The following NKAIN2 variants were observed in gnomAD, a reference collection of about 807,000 sequenced individuals.
NKAIN2 encodes the protein sodium/potassium-transporting ATPase subunit beta-1-interacting protein 2.
A neutral mutation model predicts 32.6 loss-of-function variants in NKAIN2; 14 were observed. The observed-to-expected ratio is 0.43, with a 90% CI of 0.28 to 0.67. NKAIN2 has a LOEUF of 0.67. Among genes scored for constraint, NKAIN2 ranks in the 30% least tolerant of loss-of-function variants. The pLI is 0.17. For missense variants in NKAIN2, 198 were observed against 258.3 expected (o/e 0.77, Z 1.60); for synonymous variants, 80 against 87.2 (o/e 0.92, Z 0.46).
intron 1 of NKAIN2, among the ~76,000 whole-genome samples, chr6:123,912,517 T>C (rs1336468464): frequency 6.6e-6 from 1 of 152,216 alleles, no homozygotes; most frequent in Non-Finnish European, 1.5e-5. Context: ...AGTTCAAATT[T>C]ATCTCTTTTA....
chr6:124,421,180 G>T (rs1436829918), intron 3 of NKAIN2, among the ~76,000 whole-genome samples: 3 of 151,896 alleles, frequency 2.0e-5, no homozygotes, highest in African/African-American at 7.3e-5. Context: ...AGAAAGTAGG[G>T]TTTTTTCCAC....
At chr6:124,677,299 T>C (rs564664111) in intron 4 of NKAIN2, among the ~76,000 whole-genome samples, 9 of 152,266 alleles carry the variant, frequency 5.9e-5, no homozygotes. Flanking sequence ...TTCAGTCATT[T>C]CCCATATTTT....
At chr6:124,684,190 T>A (rs1392799423) in intron 4 of NKAIN2, among the ~76,000 whole-genome samples, 1 of 152,162 alleles carries the variant, frequency 6.6e-6, no homozygotes, top group Admixed American at 6.6e-5. Context: ...AATAAATACA[T>A]GTCTGCTCGA....
At chr6:124,746,490 CAGG>C (rs1349932267) in intron 4 of NKAIN2, among the ~76,000 whole-genome samples, 3 of 151,618 alleles carry the variant, frequency 2.0e-5, no homozygotes, top group African/African-American at 4.8e-5. Context: ...AAAATAATAG[CAGG>C]AGAAGTTTTT....
intron 3 of NKAIN2, among the ~76,000 whole-genome samples, chr6:124,503,625 C>G (rs548408476): frequency 5.9e-5 from 9 of 152,180 alleles, no homozygotes; most frequent in African/African-American, 1.9e-4. Flanking sequence ...AGTTCTGTTT[C>G]TCTCTTCAAA....
chr6:124,193,986 C>T (rs2114599506), intron 1 of NKAIN2, among the ~76,000 whole-genome samples: 1 of 152,164 alleles, frequency 6.6e-6, no homozygotes, highest in African/African-American at 2.4e-5. Flanking sequence ...AGAGAAGACC[C>T]TGGAGCCGGT....
intron 3 of NKAIN2, among the ~76,000 whole-genome samples, chr6:124,425,909 T>C (rs1028824450): frequency 2.0e-5 from 3 of 152,296 alleles, no homozygotes; most frequent in Middle Eastern, 3.4e-3. Context: ...GATTTTTACT[T>C]GTATTATTTT....
intron 3 of NKAIN2, among the ~76,000 whole-genome samples, chr6:124,365,194 A>G (rs1799470819): frequency 6.6e-6 from 1 of 151,786 alleles, no homozygotes; most frequent in South Asian, 2.1e-4. Flanking sequence ...ATATATCAAT[A>G]AATATATTAA....
At chr6:124,754,789 C>T (rs573040919) in intron 4 of NKAIN2, among the ~76,000 whole-genome samples, 2 of 152,194 alleles carry the variant, frequency 1.3e-5, no homozygotes, top group South Asian at 4.1e-4. Flanking sequence ...ACTGAGTATA[C>T]ACCCAAAGGA....
chr6:124,485,133 A>G (rs1019296180), intron 3 of NKAIN2, among the ~76,000 whole-genome samples: 3 of 152,136 alleles, frequency 2.0e-5, no homozygotes, highest in Admixed American at 1.3e-4. Context: ...GGTTCTTGCT[A>G]TTTCCTACAT....
intron 1 of NKAIN2, among the ~76,000 whole-genome samples, chr6:124,280,101 G>A (rs1480792976): frequency 6.6e-6 from 1 of 152,076 alleles, no homozygotes; most frequent in African/African-American, 2.4e-5. Flanking sequence ...CACATAAACA[G>A]CAGCATGTAT....
chr6:124,421,713 G>A (rs1209844481), intron 3 of NKAIN2, among the ~76,000 whole-genome samples: 1 of 152,108 alleles, frequency 6.6e-6, no homozygotes. Flanking sequence ...AAAGTGACTA[G>A]GAAGCATATG....
At chr6:124,156,042 G>T (rs1787971579) in intron 1 of NKAIN2, among the ~76,000 whole-genome samples, 1 of 152,050 alleles carries the variant, frequency 6.6e-6, no homozygotes, top group Non-Finnish European at 1.5e-5. Flanking sequence ...GCAGTGAAGG[G>T]AGGTAGAGTT....
chr6:124,255,869 C>T (rs1379769306), intron 1 of NKAIN2, among the ~76,000 whole-genome samples: 1 of 152,152 alleles, frequency 6.6e-6, no homozygotes, highest in Admixed American at 6.6e-5. Flanking sequence ...CGTTTATCTA[C>T]CCAAGTCACA....
chr6:124,648,807 A>C (rs1042009306), intron 3 of NKAIN2, among the ~76,000 whole-genome samples: 1 of 152,222 alleles, frequency 6.6e-6, no homozygotes, highest in African/African-American at 2.4e-5. Flanking sequence ...AAATCTACCC[A>C]AAAAATGTGA....
At chr6:124,490,663 A>G (rs746319950) in intron 3 of NKAIN2, among the ~76,000 whole-genome samples, 4 of 151,782 alleles carry the variant, frequency 2.6e-5, no homozygotes, top group African/African-American at 4.8e-5. Context: ...CACTGAATAT[A>G]TCAGGCAGGA....
In NKAIN2 at chr6:124,075,689, G is replaced by T. The variant is rs142712852; in HGVS notation, c.55-207316G>T. Among the ~76,000 whole-genome samples the T allele has an allele frequency of 6.2e-3, 947 of 152,180 alleles. 15 individuals carry two copies. Among genetic ancestry groups the T allele is most frequent in the African/African-American group, 0.022 (912 of 41,512 alleles). On this transcript the variant is annotated intron_variant, in intron 1 of 6. Transcript: ENST00000368417. ...CAGCACACTGCAACCTCTGCCTCCC[G>T]GGTTCAAGCTCTTCTCCTGCCTCAG...
intron 5 of NKAIN2, among the ~76,000 whole-genome samples, chr6:124,805,280 C>G (rs952422739): frequency 2.0e-5 from 3 of 152,236 alleles, no homozygotes; most frequent in South Asian, 2.1e-4. Context: ...GCCGGGTACT[C>G]CTCTGAGACA....
intron 3 of NKAIN2, among the ~76,000 whole-genome samples, chr6:124,622,816 C>G (rs142172250): frequency 6.6e-4 from 100 of 152,248 alleles, no homozygotes; most frequent in Non-Finnish European, 1.3e-3. Context: ...CCTCTTCTCT[C>G]TTTCTCTGCC....
Sources: allele counts gnomAD v4.1 joint callset (sites outside exome capture counted in the v4.1 genomes callset), GRCh38; gene constraint gnomAD v4.1.1; transcripts MANE v1.5; gene names NCBI Gene and HGNC (gene_info 2026-07-23, HGNC 2026-07-21).